Variants in POLH observed in about 807,000 individuals in gnomAD.
POLH encodes the protein DNA polymerase eta, also known as DNA polymerase eta transcript.
A neutral mutation model predicts 73.6 loss-of-function variants in POLH; 53 were observed. The observed-to-expected ratio is 0.72, with a 90% confidence interval of 0.58 to 0.91. The LOEUF is 0.91. POLH is among the 40% of genes least tolerant of loss of function. POLH has a pLI of 0.00. For missense variants in POLH, 768 were observed against 865.4 expected (o/e 0.89, Z 1.41); for synonymous variants, 292 against 308.5 (o/e 0.95, Z 0.56).
chr6:43,584,969 C>T (rs980045171), intron 3 of POLH, among the ~76,000 whole-genome samples: 2 of 151,940 alleles, frequency 1.3e-5, no homozygotes, highest in South Asian at 2.1e-4. Flanking sequence ...AGTAAGACCT[C>T]GTCTCTACCA....
intron 4 of POLH, among the ~76,000 whole-genome samples, chr6:43,587,795 G>A (rs1451996290): frequency 2.6e-5 from 4 of 152,190 alleles, no homozygotes; most frequent in East Asian, 1.9e-4. Context: ...TTGGGAGGCC[G>A]AGGTGGGTGG....
At chr6:43,607,428 A>G (rs1005986373) in intron 9 of POLH, among the ~76,000 whole-genome samples, 2 of 152,162 alleles carry the variant, frequency 1.3e-5, no homozygotes, top group African/African-American at 2.4e-5. Flanking sequence ...ATAATATTCT[A>G]TTGTATTAAT....
chr6:43,602,679 T>C lies in POLH; in HGVS notation c.765-1213T>C, dbSNP rs111401300. On this transcript the variant is annotated intron_variant, in intron 6 of 10. Coordinates refer to ENST00000372236, the MANE Select transcript of POLH (RefSeq NM_006502.3). Reference sequence around the variant, plus strand: ...GCTGGGCTAAAGAATTTTGACTTTTTTTTTTTTGAGACAAGTCTTGCTCTG... The same window carrying C: ...GCTGGGCTAAAGAATTTTGACTTTTCTTTTTTTGAGACAAGTCTTGCTCTG... Among the ~76,000 whole-genome samples the C allele has an allele frequency of 3.9e-4, 59 of 152,294 alleles. 1 individual carries two copies. The highest frequency in any genetic ancestry group is 3.4e-3 in the Middle Eastern group (1 of 294).
chr6:43,618,938 T>C lies in POLH; in HGVS notation c.*4381T>C, dbSNP rs552548345. On this transcript the variant is annotated 3_prime_UTR_variant, in exon 11 of 11. Transcript: ENST00000372236. ...GAGCCACCAGGCCAGCCCCAACTTC[T>C]ACTTTTTATTTTATTTATAAATTGG... Among the ~76,000 whole-genome samples the C allele has an allele frequency of 2.1e-5, 3 of 146,318 alleles. No individual in the cohort carries two copies. Among genetic ancestry groups the C allele is most frequent in the East Asian group, 2.1e-4 (1 of 4,704 alleles).
intron 4 of POLH, among the ~76,000 whole-genome samples, chr6:43,589,568 G>T (rs1289402177): frequency 1.3e-5 from 2 of 151,246 alleles, no homozygotes; most frequent in Non-Finnish European, 2.9e-5. Context: ...ATGGAAAAAT[G>T]GTAAAATTAT....
chr6:43,593,878 C>CAAAAAAAAAAAAAAAA (rs768129925), intron 4 of POLH, among the ~76,000 whole-genome samples: 3 of 85,180 alleles, frequency 3.5e-5, no homozygotes, highest in Admixed American at 1.2e-4. Flanking sequence ...GACTCCGTCT[C>CAAAAAAAAAAAAAAAA]AAAAAAAAAA....
intron 1 of POLH, among the ~76,000 whole-genome samples, chr6:43,581,764 G>A (rs891595759): frequency 6.7e-6 from 1 of 149,826 alleles, no homozygotes; most frequent in South Asian, 2.1e-4. Flanking sequence ...CGACTGTCCC[G>A]GCTCCGCACT....
chr6:43,600,903 G>C, intron 5 of POLH, 85 bp from the exon 6 acceptor site: 1 of 837,832 alleles, frequency 1.2e-6, no homozygotes, highest in East Asian at 2.4e-5. Flanking sequence ...TAAGCTCTGT[G>C]TGTGTGTATG....
chr6:43,609,345 C>T (rs1767641774), intron 9 of POLH, among the ~76,000 whole-genome samples: 1 of 152,166 alleles, frequency 6.6e-6, no homozygotes, highest in Non-Finnish European at 1.5e-5. Flanking sequence ...ACAAGGACTC[C>T]TTTATAATTG....
chr6:43,583,501 A>G (rs1195606208), intron 3 of POLH, among the ~76,000 whole-genome samples: 1 of 152,188 alleles, frequency 6.6e-6, no homozygotes, highest in Non-Finnish European at 1.5e-5. Context: ...GCTGAGTCAA[A>G]CTGACATTGT....
At chr6:43,611,918 T>C (rs1368986745) in intron 10 of POLH, among the ~76,000 whole-genome samples, 2 of 151,894 alleles carry the variant, frequency 1.3e-5, no homozygotes, top group Non-Finnish European at 2.9e-5. Context: ...TAGCCAGGCA[T>C]GGTGGTGGAT....
chr6:43,593,772 C>T (rs1316181893), intron 4 of POLH, among the ~76,000 whole-genome samples: 5 of 148,058 alleles, frequency 3.4e-5, no homozygotes, highest in South Asian at 2.1e-4. Context: ...CCTAGCTTTT[C>T]GGGAGGGTAA....
At position 43,619,463 on chromosome 6, in the gene POLH, C is replaced by G. The variant is rs1393574581; in HGVS notation, c.*4906C>G. 6.9e-6 allele frequency among the ~76,000 whole-genome samples: 1 copy of G among 144,976 alleles called. No homozygotes were observed. Among genetic ancestry groups the G allele is most frequent in the Non-Finnish European group, 1.5e-5 (1 of 66,744 alleles). On this transcript the variant is annotated 3_prime_UTR_variant, in exon 11 of 11. Transcript: ENST00000372236. ...ATGTAGCTTCTTAAAGGCAAAGATT[C>G]TTCATAGTGCTTTGCACATGATAGG...
In POLH at chr6:43,616,839, T is replaced by G. The variant is rs1037198460; in HGVS notation, c.*2282T>G. On this transcript the variant is annotated 3_prime_UTR_variant, in exon 11 of 11. Coordinates refer to ENST00000372236, the MANE Select transcript of POLH (RefSeq NM_006502.3). ...GCCTATCTCTTGCGTTTTGTTCTAA[T>G]GTAGAATTAGATTGCTACTTGACTA... Among the ~76,000 whole-genome samples, 2 of 152,242 alleles carry G rather than the reference T, an allele frequency of 1.3e-5. No homozygotes were observed. Among genetic ancestry groups the G allele is most frequent in the East Asian group, 3.8e-4 (2 of 5,198 alleles).
intron 10 of POLH, 41 bp downstream of exon 10, chr6:43,610,764 A>G (rs1227221702): frequency 2.0e-6 from 3 of 1,512,474 alleles, no homozygotes; most frequent in African/African-American, 2.7e-5. Flanking sequence ...ATAGATGATG[A>G]TTCTTAGCTC....
Position 43,614,622 on chromosome 6 carries a change from A to G in POLH, c.*65A>G. On this transcript the variant is annotated 3_prime_UTR_variant, in exon 11 of 11. Transcript: ENST00000372236. ...ATCTTTACAGATCTTTATCTTTAAT[A>G]TTTTATCTTTACAGATTTCCCTGAG... is the stretch of plus-strand genomic sequence containing the variant. The G allele has an allele frequency of 1.9e-5, 26 of 1,345,724 alleles. No individual in the cohort carries two copies. The highest frequency in any genetic ancestry group is 2.6e-5 in the Non-Finnish European group (25 of 967,538). 83.4% of individuals were successfully genotyped at this position (1,345,724 alleles called of 1,614,324 possible).
In POLH at chr6:43,612,076, TAAATA is replaced by T. The variant is rs1424426047; in HGVS notation, c.1244+1356_1244+1360del. 2.6e-5 allele frequency among the ~76,000 whole-genome samples: 4 copies of T among 151,746 alleles called. No homozygotes were observed. In the East Asian group the frequency reaches 7.7e-4, roughly 29 times the overall value. On this transcript the variant is annotated intron_variant, in intron 10 of 10. Coordinates refer to ENST00000372236, the MANE Select transcript of POLH (RefSeq NM_006502.3). Reference sequence around the variant, plus strand: ...CGTCTCCAACAACAACAACAACAAATAAATAAATAAATAAATAAAGTCTTTGTTCT... The same window carrying T: ...CGTCTCCAACAACAACAACAACAAATAATAAATAAATAAAGTCTTTGTTCT...
At chr6:43,600,158 CA>C (rs138043805) in intron 5 of POLH, among the ~76,000 whole-genome samples, 2,155 of 134,754 alleles carry the variant, frequency 0.016, 42 homozygotes, top group African/African-American at 0.049. Flanking sequence ...AACTCTGTCT[CA>C]AAAAAAAAAA....
At chr6:43,590,444 T>C (rs879368123) in intron 4 of POLH, among the ~76,000 whole-genome samples, 5 of 151,698 alleles carry the variant, frequency 3.3e-5, no homozygotes, top group Non-Finnish European at 5.9e-5. Flanking sequence ...TGCATAAGAA[T>C]GAGGGTTTTT....
Sources: gnomAD v4.1 joint callset for allele counts (sites outside exome capture counted in the v4.1 genomes callset) on GRCh38, gnomAD v4.1.1 for gene constraint, MANE v1.5 for transcripts, NCBI Gene and HGNC (gene_info 2026-07-23, HGNC 2026-07-21) for gene names.